ZNF44: variants seen among roughly 807,000 people sequenced by gnomAD.
ZNF44 encodes gonadotropin inducible transcription repressor-2.
In ZNF44, 9 loss-of-function variants were observed where a neutral mutation model predicts 11.7. The observed-to-expected ratio is 0.77, with a 90% CI of 0.46 to 1.35. The LOEUF (loss-of-function observed/expected upper bound fraction) is 1.35, where lower values mean the gene tolerates loss of function less well. Among genes scored for constraint, ZNF44 ranks in the 40% most tolerant of loss-of-function variants. ZNF44 has a pLI of 0.00. For synonymous variants in ZNF44, 224 were observed against 242.7 expected (o/e 0.92, Z 0.72); for missense variants, 696 against 743.1 (o/e 0.94, Z 0.74).
upstream of ZNF44, among the ~76,000 whole-genome samples, chr19:12,241,656 C>G (rs1256571104): frequency 6.6e-6 from 1 of 152,182 alleles, no homozygotes; most frequent in Non-Finnish European, 1.5e-5. Flanking sequence ...GATCGCACCA[C>G]TGCACTCCAG....
intron 5 of ZNF44, among the ~76,000 whole-genome samples, chr19:12,257,531 T>C (rs573982168): frequency 6.6e-6 from 1 of 151,998 alleles, no homozygotes; most frequent in African/African-American, 2.4e-5. Context: ...CTCGTGCCTG[T>C]AATCCCAGCA....
intron 3 of ZNF44, among the ~76,000 whole-genome samples, chr19:12,227,216 A>C (rs886883006): frequency 2.0e-5 from 3 of 152,340 alleles, no homozygotes; most frequent in Admixed American, 1.3e-4. Flanking sequence ...ACTTGCATTC[A>C]AGGGCACCTG....
chr19:12,268,183 A>ACACACACACAC, downstream of ZNF44, among the ~76,000 whole-genome samples: 2 of 60,622 alleles, frequency 3.3e-5, no homozygotes, highest in African/African-American at 9.3e-5. Context: ...CACACACACA[A>ACACACACACAC]GCTCCTTCCC....
chr19:12,293,210 C>G, intron 1 of ZNF44: 1 of 1,531,520 alleles, frequency 6.5e-7, no homozygotes, highest in Non-Finnish European at 8.7e-7. Flanking sequence ...CCAGAAGATT[C>G]CTCCCACCCC....
At chr19:12,236,145 A>C (rs1239045450) in intron 1 of ZNF44, among the ~76,000 whole-genome samples, 1 of 152,260 alleles carries the variant, frequency 6.6e-6, no homozygotes, top group Non-Finnish European at 1.5e-5. Context: ...CAAAGTTGGC[A>C]CTTGGGAATG....
At chr19:12,282,546 C>T (rs1032971669) in intron 1 of ZNF44, among the ~76,000 whole-genome samples, 7 of 151,734 alleles carry the variant, frequency 4.6e-5, no homozygotes, top group East Asian at 3.9e-4. Flanking sequence ...CTCAGCCTCT[C>T]GAGCAGCTGG....
downstream of ZNF44, among the ~76,000 whole-genome samples, chr19:12,244,916 C>A (rs1230972038): frequency 2.6e-5 from 4 of 152,174 alleles, no homozygotes; most frequent in Non-Finnish European, 5.9e-5. Flanking sequence ...CTCTTGAGCA[C>A]CCTCTTATGG....
At chr19:12,236,308 TAAAAG>T (rs1275612110) in intron 1 of ZNF44, among the ~76,000 whole-genome samples, 2 of 152,068 alleles carry the variant, frequency 1.3e-5, no homozygotes, top group South Asian at 2.1e-4. Flanking sequence ...TGGGGAGTGT[TAAAAG>T]AAATAAGAGG....
chr19:12,266,561 C>A (rs115503265), intron 5 of ZNF44, among the ~76,000 whole-genome samples: 58 of 152,250 alleles, frequency 3.8e-4, no homozygotes, highest in African/African-American at 1.3e-3. Flanking sequence ...GGGTGGGGGA[C>A]ACAGTGCAGA....
intron 1 of ZNF44, among the ~76,000 whole-genome samples, chr19:12,282,304 C>T (rs1967504031): frequency 6.6e-6 from 1 of 152,048 alleles, no homozygotes; most frequent in Non-Finnish European, 1.5e-5. Flanking sequence ...TTGAAGTCTA[C>T]AGGAATCAGG....
rs1248076245 is a variant in ZNF44 at position 12,273,423 on chromosome 19, C to T, written c.832G>A (p.Glu278Lys). Residue 278 changes from glutamate to lysine, a missense_variant, in exon 4 of 4, where the codon GAG (glutamate) becomes AAG (lysine). By Grantham distance (56) the Glu-to-Lys change is moderately conservative. Coordinates refer to ENST00000355684, the MANE Select transcript of ZNF44 (RefSeq NM_016264.4). The stretch of plus-strand genomic sequence containing the variant: ...CATTGTTTACATTTGTAGGGTTTCT[C>T]TCCAGTGTGAGTTCTTTCATGTCTT... ...YLRHERTHTGEKPYKCKQCGK... is the reference protein window; with the variant it reads ...YLRHERTHTGKKPYKCKQCGK... The T allele has an allele frequency of 2.5e-6, 4 of 1,614,170 alleles. No homozygotes were observed. Among genetic ancestry groups the T allele is most frequent in the Non-Finnish European group, 8.5e-7 (1 of 1,180,034 alleles).
intron 5 of ZNF44, among the ~76,000 whole-genome samples, chr19:12,261,918 C>T (rs1917524085): frequency 6.6e-6 from 1 of 151,834 alleles, no homozygotes; most frequent in Non-Finnish European, 1.5e-5. Context: ...TTACTATTAG[C>T]CATTATTTTT....
intron 1 of ZNF44, among the ~76,000 whole-genome samples, chr19:12,279,468 C>G (rs1288197561): frequency 6.6e-6 from 1 of 152,010 alleles, no homozygotes; most frequent in Non-Finnish European, 1.5e-5. Context: ...ATTCAAATGT[C>G]TCCTTTTCAA....
At chr19:12,224,823 TTC>T (rs139888172), downstream of ZNF44, 1,579 of 152,212 alleles carry the variant, frequency 0.01, 23 homozygotes, top group African/African-American at 0.036. Flanking sequence ...CTTGGAATGT[TTC>T]TGTGTGGGGG....
chr19:12,287,083 T>TTA lies in ZNF44; in HGVS notation c.3+7607_3+7608dup, dbSNP rs1334782598. On this transcript the variant is annotated intron_variant, in intron 1 of 3. Coordinates refer to ENST00000355684, the MANE Select transcript of ZNF44 (RefSeq NM_016264.4). ...ATATATATACACATATATGTATAAATTATATATATATATTCATGGAGTACC... is the reference window on the plus strand; with the variant it reads ...ATATATATACACATATATGTATAAATTATATATATATATATTCATGGAGTACC... 1.7e-4 allele frequency among the ~76,000 whole-genome samples: 25 copies of TTA among 149,614 alleles called. 1 individual carries two copies. The highest frequency in any genetic ancestry group is 3.7e-4 in the African/African-American group (15 of 40,826).
At chr19:12,241,049 C>A (rs533155719), upstream of ZNF44, among the ~76,000 whole-genome samples, 3 of 152,266 alleles carry the variant, frequency 2.0e-5, no homozygotes, top group Admixed American at 1.3e-4. Context: ...GGAACTCCTA[C>A]AACTCAACAA....
At chr19:12,293,752 C>T (rs1968116486) in intron 1 of ZNF44, among the ~76,000 whole-genome samples, 2 of 152,058 alleles carry the variant, frequency 1.3e-5, no homozygotes, top group Admixed American at 1.3e-4. Flanking sequence ...TCTCAAAGAC[C>T]CTGATGCCAA....
At chr19:12,260,017 A>G in intron 5 of ZNF44, 1 of 445,348 alleles carries the variant, frequency 2.2e-6, no homozygotes. Context: ...CAGTGTATAC[A>G]GTCCCCCCTC....
intron 2 of ZNF44, among the ~76,000 whole-genome samples, chr19:12,233,131 T>A (rs1157368873): frequency 6.6e-6 from 1 of 152,056 alleles, no homozygotes; most frequent in African/African-American, 2.4e-5. Flanking sequence ...ACCAGAGACA[T>A]GCACCAAGAT....
Sources: gnomAD v4.1 joint callset for allele counts (sites outside exome capture counted in the v4.1 genomes callset) on GRCh38, gnomAD v4.1.1 for gene constraint, MANE v1.5 for transcripts, NCBI Gene and HGNC (gene_info 2026-07-23, HGNC 2026-07-21) for gene names.